The following HYAL1 variants were observed in gnomAD, a reference collection of about 807,000 sequenced individuals.
HYAL1 encodes the protein hyaluronidase-1.
HYAL1 carries 21 observed loss-of-function variants against 28.8 expected under a neutral mutation model. The observed-to-expected ratio is 0.73, with a 90% CI of 0.52 to 1.05. HYAL1 has a LOEUF of 1.05. HYAL1 is among the 50% of genes least tolerant of loss of function. The pLI is 0.00. For synonymous variants in HYAL1, 200 were observed against 230.1 expected (o/e 0.87, Z 1.18); for missense variants, 491 against 579.2 (o/e 0.85, Z 1.56).
rs587652432 is a variant in HYAL1, at chr3:50,302,171, C to T, written c.786G>A (p.Val262=). ...LEGTGKSQMY[V]QHRVAEAFRV... ...GGAATGCCTCGGCCACACGGTGTTGCACATACATCTGTGACTTCCCTGTGC... is the reference window on the plus strand; with the variant it reads ...GGAATGCCTCGGCCACACGGTGTTGTACATACATCTGTGACTTCCCTGTGC... The change falls in exon 2 of 4, where the codon GTG becomes GTA. Residue 262 remains valine, a synonymous_variant. Coordinates refer to ENST00000395144, the MANE Select transcript of HYAL1 (RefSeq NM_033159.4). The surrounding 1 kb of genome is among the most constrained non-coding windows in gnomAD (Gnocchi z 5.0). The T allele has an allele frequency of 6.2e-7, 1 of 1,614,228 alleles. No homozygotes were observed. Among genetic ancestry groups the T allele is most frequent in the Admixed American group, 1.7e-5 (1 of 60,024 alleles).
At position 50,310,854 on chromosome 3, in the gene HYAL1, C is replaced by T. The variant is rs1198022396; in HGVS notation, c.-309-1077G>A. 1.5e-4 allele frequency among the ~76,000 whole-genome samples: 22 copies of T among 150,988 alleles called. No homozygotes were observed. The South Asian group carries it at 4.0e-3, about 27-fold the overall frequency. On this transcript the variant is annotated intron_variant, in intron 1 of 5. Coordinates refer to the HYAL1 transcript ENST00000320295. The stretch of plus-strand genomic sequence containing the variant: ...CTGTTTAACAAAGCACATCTTGCAC[C>T]GCCCTTAATCCATTTAACCCTGAGT...
chr3:50,300,436 C>T lies in HYAL1; in HGVS notation c.*47G>A, dbSNP rs782727980. On this transcript the variant is annotated 3_prime_UTR_variant, in exon 4 of 4. Coordinates refer to ENST00000395144, the MANE Select transcript of HYAL1 (RefSeq NM_033159.4). ...GTATTTGAGGAAGCCCTGGCCAGACCCAGAGTGCATTAGGTTCTCAATATG... is the reference window on the plus strand; with the variant it reads ...GTATTTGAGGAAGCCCTGGCCAGACTCAGAGTGCATTAGGTTCTCAATATG... 9.4e-6 allele frequency: 15 copies of T among 1,596,316 alleles called. No individual in the cohort carries two copies. In the Admixed American group the frequency reaches 2.2e-4, roughly 23 times the overall value.
At position 50,300,900 on chromosome 3, in the gene HYAL1, G is replaced by A. The variant is rs767526373; in HGVS notation, c.990+88C>T. On this transcript the variant is annotated intron_variant, in intron 3 of 3. Coordinates refer to ENST00000395144, the MANE Select transcript of HYAL1 (RefSeq NM_033159.4). ...CCTGCTGGTCAGCCAGGACTTTGCAGGTAGAAAGGGTAAGTCAGGGTCTAC... is the reference window on the plus strand; with the variant it reads ...CCTGCTGGTCAGCCAGGACTTTGCAAGTAGAAAGGGTAAGTCAGGGTCTAC... 96 of 1,522,746 alleles carry A rather than the reference G, an allele frequency of 6.3e-5. No homozygotes were observed. In the Middle Eastern group the frequency reaches 7.0e-4, roughly 11 times the overall value. 94.3% of individuals were successfully genotyped at this position (1,522,746 alleles called of 1,614,324 possible). A position where few individuals can be genotyped will look rare whatever the true frequency, so the allele number is the denominator to read the frequency against.
At chr3:50,307,337 C>G (rs2109314026), upstream of HYAL1, among the ~76,000 whole-genome samples, 1 of 150,630 alleles carries the variant, frequency 6.6e-6, no homozygotes, top group South Asian at 2.1e-4. Flanking sequence ...GCACTCCAGC[C>G]TGGGTGACAG....
chr3:50,308,801 G>A (rs1553714381), intron 2 of HYAL1, among the ~76,000 whole-genome samples: 1 of 146,382 alleles, frequency 6.8e-6, no homozygotes, highest in East Asian at 2.0e-4. Flanking sequence ...CAGGATCTCG[G>A]CTCACTGCAA....
At chr3:50,309,091 CCT>C (rs1553714416) in intron 2 of HYAL1, among the ~76,000 whole-genome samples, 3 of 151,276 alleles carry the variant, frequency 2.0e-5, no homozygotes. Context: ...TGTTTCTCTA[CCT>C]GATTTCTCCA....
At position 50,302,104 on chromosome 3, in the gene HYAL1, G is replaced by A. The variant is rs902728091; in HGVS notation, c.853C>T (p.Pro285Ser). The change falls in exon 2 of 4, where the codon CCC becomes TCC. Residue 285 changes from proline to serine, a missense_variant. Pro to Ser is a moderately conservative substitution (Grantham distance 74, BLOSUM62 -1). Coordinates refer to ENST00000395144, the MANE Select transcript of HYAL1 (RefSeq NM_033159.4). The surrounding 1 kb of genome is among the most constrained non-coding windows in gnomAD (Gnocchi z 5.0). ...GTGTCATAGAAGATCTGGACATAGG[G>A]CAGCACCGGCAGATTGGGGTCACCA... is the stretch of plus-strand genomic sequence containing the variant. Reference protein sequence around the residue: ...AAGDPNLPVLPYVQIFYDTTN... With the variant: ...AAGDPNLPVLSYVQIFYDTTN... The A allele has an allele frequency of 3.1e-6, 5 of 1,614,210 alleles. No homozygotes were observed. Among genetic ancestry groups the A allele is most frequent in the Non-Finnish European group, 4.2e-6 (5 of 1,180,036 alleles).
intron 1 of HYAL1, among the ~76,000 whole-genome samples, chr3:50,311,656 G>C (rs1455638117): frequency 2.8e-5 from 4 of 141,170 alleles, no homozygotes; most frequent in African/African-American, 1.1e-4. Context: ...TGGGGCGGCT[G>C]GCCGGGCGGG....
At chr3:50,303,065 C>A in intron 1 of HYAL1, 85 bp from the exon 2 acceptor site, 1 of 1,025,068 alleles carries the variant, frequency 9.8e-7, no homozygotes, top group Non-Finnish European at 1.4e-6. Context: ...AGCCCTTGCG[C>A]ATTAATCCAC....
At chr3:50,311,283 C>G (rs1464754710) in intron 1 of HYAL1, among the ~76,000 whole-genome samples, 19 of 138,300 alleles carry the variant, frequency 1.4e-4, no homozygotes, top group African/African-American at 4.7e-4. Context: ...CCCCAACCTC[C>G]TTCCCGGACG....
At position 50,300,415 on chromosome 3, in the gene HYAL1, T is replaced by A. The variant is rs1272128035; in HGVS notation, c.*68A>T. ...ATGACTTGTATGACTGTGCATGTATTTGAGGAAGCCCTGGCCAGACCCAGA... is the reference window on the plus strand; with the variant it reads ...ATGACTTGTATGACTGTGCATGTATATGAGGAAGCCCTGGCCAGACCCAGA... On this transcript the variant is annotated 3_prime_UTR_variant, in exon 4 of 4. Coordinates refer to ENST00000395144, the MANE Select transcript of HYAL1 (RefSeq NM_033159.4). 14 of 1,500,730 alleles carry A rather than the reference T, an allele frequency of 9.3e-6. No individual in the cohort carries two copies. In the Admixed American group the frequency reaches 1.3e-4, roughly 14 times the overall value. 93.0% of individuals were successfully genotyped at this position (1,500,730 alleles called of 1,614,324 possible).
At chr3:50,301,355 C>A (rs587773975) in intron 2 of HYAL1, among the ~76,000 whole-genome samples, 1 of 152,316 alleles carries the variant, frequency 6.6e-6, no homozygotes, top group South Asian at 2.1e-4. Context: ...GTGGCTCATA[C>A]CTGTAATCCC....
chr3:50,307,001 C>T (rs1182869875), upstream of HYAL1, among the ~76,000 whole-genome samples: 8 of 149,204 alleles, frequency 5.4e-5, no homozygotes, highest in Non-Finnish European at 7.4e-5. Context: ...ACTTGGAAGG[C>T]GGAGGTTGCA....
At chr3:50,311,868 G>C (rs587650402) in intron 1 of HYAL1, among the ~76,000 whole-genome samples, 1 of 148,580 alleles carries the variant, frequency 6.7e-6, no homozygotes, top group South Asian at 2.1e-4. Flanking sequence ...CCTCCCTCCC[G>C]GACGGGGCGG....
At position 50,301,011 on chromosome 3, in the gene HYAL1, T is replaced by A; in HGVS notation, c.967A>T (p.Ser323Cys). 6.5e-7 allele frequency: 1 copy of A among 1,531,172 alleles called. No individual in the cohort carries two copies. Among genetic ancestry groups the A allele is most frequent in the Non-Finnish European group, 8.8e-7 (1 of 1,134,328 alleles). The allele number at this position is 1,531,172 out of a possible 1,614,324, so 94.8% of individuals were successfully genotyped here. A position where few individuals can be genotyped will look rare whatever the true frequency, so the allele number is the denominator to read the frequency against. The change falls in exon 3 of 4, where the codon AGC (serine) becomes TGC (cysteine). Residue 323 changes from serine to cysteine, a missense_variant. Ser to Cys is a moderately radical substitution (Grantham distance 112, BLOSUM62 -1). Coordinates refer to ENST00000395144, the MANE Select transcript of HYAL1 (RefSeq NM_033159.4). ...ACCTTGGTTCTTGTATTTTCCCAGC[T>A]CACCCAGAGCACCACTCCAGCTGCC... is the stretch of plus-strand genomic sequence containing the variant. ...QGAAGVVLWV[S>C]WENTRTKESC...
chr3:50,306,722 C>T (rs587692851), upstream of HYAL1, among the ~76,000 whole-genome samples: 1 of 151,078 alleles, frequency 6.6e-6, no homozygotes, highest in South Asian at 2.1e-4. Context: ...CCTATCTCTA[C>T]TAAAAATACA....
chr3:50,304,043 A>T (rs1553713622), upstream of HYAL1: 1 of 152,030 alleles, frequency 6.6e-6, no homozygotes, highest in African/African-American at 2.4e-5. Context: ...CCGAGGTGGC[A>T]GATCACGAGG....
chr3:50,311,662 G>A (rs1553714847), intron 1 of HYAL1, among the ~76,000 whole-genome samples: 1 of 142,940 alleles, frequency 7.0e-6, no homozygotes, highest in Non-Finnish European at 1.5e-5. Context: ...GGCTGGCCGG[G>A]CGGGGGGCTG....
At position 50,302,099 on chromosome 3, in the gene HYAL1, A is replaced by G. The variant is rs1553713040; in HGVS notation, c.858T>C (p.Tyr286=). The change falls in exon 2 of 4, where the codon TAT becomes TAC. Residue 286 remains tyrosine (Y), a synonymous_variant. Transcript: ENST00000395144. The surrounding 1 kb of genome is among the most constrained non-coding windows in gnomAD (Gnocchi z 5.0). ...AGDPNLPVLP[Y]VQIFYDTTNH... ...TTGTCGTGTCATAGAAGATCTGGAC[A>G]TAGGGCAGCACCGGCAGATTGGGGT... The G allele has an allele frequency of 6.2e-7, 1 of 1,614,236 alleles. No homozygotes were observed. The highest frequency in any genetic ancestry group is 1.3e-5 in the African/African-American group (1 of 75,072).
Sources: gnomAD v4.1 joint callset for allele counts (sites outside exome capture counted in the v4.1 genomes callset) on GRCh38, gnomAD v4.1.1 for gene constraint, Gnocchi (gnomAD v3.1) non-coding constraint, MANE v1.5 for transcripts, NCBI Gene and HGNC (gene_info 2026-07-23, HGNC 2026-07-21) for gene names.